RIMS1: variants seen among roughly 807,000 people sequenced by gnomAD.
The protein encoded by RIMS1 is regulating synaptic membrane exocytosis protein 1.
A neutral mutation model predicts 214.1 loss-of-function variants in RIMS1; 83 were observed. That is an observed-to-expected ratio of 0.39 (90% confidence interval 0.32 to 0.47). The LOEUF (loss-of-function observed/expected upper bound fraction) is 0.47. Among genes scored for constraint, RIMS1 ranks in the 20% least tolerant of loss-of-function variants. The probability of loss-of-function intolerance (pLI) is 0.99; values close to 1 mark genes in which losing one functional copy is unlikely to be tolerated. For missense variants in RIMS1, 2,050 were observed against 2,161.8 expected (o/e 0.95, Z 1.03); for synonymous variants, 793 against 786.8 (o/e 1.01, Z -0.13).
chr6:72,303,907 A>G (rs888292757), intron 26 of RIMS1, among the ~76,000 whole-genome samples: 4 of 151,642 alleles, frequency 2.6e-5, no homozygotes, highest in Non-Finnish European at 3.0e-5. Context: ...ACTAAGATAC[A>G]TACATTTTGA....
chr6:72,350,184 G>A (rs954465740), intron 29 of RIMS1, among the ~76,000 whole-genome samples: 16 of 152,022 alleles, frequency 1.1e-4, no homozygotes, highest in African/African-American at 3.6e-4. Flanking sequence ...TCTAATTTTT[G>A]TACACAGAAA....
At chr6:72,213,318 T>C (rs1358598249) in intron 6 of RIMS1, 1 of 1,146,860 alleles carries the variant, frequency 8.7e-7, no homozygotes, top group African/African-American at 1.6e-5. Flanking sequence ...CCAGTCAAAA[T>C]ATTTCTATTC....
chr6:71,900,347 T>C (rs553152144), intron 1 of RIMS1, among the ~76,000 whole-genome samples: 34 of 152,214 alleles, frequency 2.2e-4, no homozygotes, highest in Non-Finnish European at 4.6e-4. Context: ...AAACTAGACA[T>C]GGTAGGGCCC....
intron 1 of RIMS1, among the ~76,000 whole-genome samples, chr6:71,899,918 G>A (rs1383183732): frequency 6.6e-6 from 1 of 152,112 alleles, no homozygotes; most frequent in Non-Finnish European, 1.5e-5. Flanking sequence ...AGCAAAAATA[G>A]ATTGGGCACT....
intron 1 of RIMS1, among the ~76,000 whole-genome samples, chr6:71,923,598 G>A (rs913283162): frequency 2.0e-5 from 3 of 150,380 alleles, no homozygotes; most frequent in Non-Finnish European, 3.0e-5. Context: ...ACAGAGTTTC[G>A]CTCTTGTTTC....
intron 29 of RIMS1, among the ~76,000 whole-genome samples, chr6:72,343,691 C>CT: frequency 6.6e-6 from 1 of 150,808 alleles, no homozygotes; most frequent in East Asian, 2.0e-4. Context: ...TTAAATAATT[C>CT]TTTCATTATA....
intron 1 of RIMS1, among the ~76,000 whole-genome samples, chr6:71,919,014 A>G (rs1172287575): frequency 1.3e-5 from 2 of 152,156 alleles, no homozygotes; most frequent in Non-Finnish European, 2.9e-5. Flanking sequence ...TTAAAGGCAT[A>G]CCTTAAGTTT....
intron 2 of RIMS1, among the ~76,000 whole-genome samples, chr6:72,049,631 C>G (rs1376074475): frequency 2.0e-5 from 3 of 152,156 alleles, no homozygotes; most frequent in Admixed American, 1.3e-4. Context: ...AAAATAAGTT[C>G]TTACTTCACT....
intron 1 of RIMS1, among the ~76,000 whole-genome samples, chr6:71,965,985 G>A (rs755678989): frequency 5.9e-5 from 9 of 152,152 alleles, no homozygotes; most frequent in Non-Finnish European, 1.2e-4. Flanking sequence ...CTAATGCATA[G>A]GAGATAGTGG....
chr6:71,979,016 G>A (rs1356879233), intron 2 of RIMS1, among the ~76,000 whole-genome samples: 1 of 151,956 alleles, frequency 6.6e-6, no homozygotes, highest in Non-Finnish European at 1.5e-5. Flanking sequence ...TGATTTGCTG[G>A]CTTATGCAAA....
intron 29 of RIMS1, among the ~76,000 whole-genome samples, chr6:72,342,025 G>A (rs928180519): frequency 6.6e-6 from 1 of 151,726 alleles, no homozygotes; most frequent in Non-Finnish European, 1.5e-5. Context: ...TGCTTCTTTA[G>A]TAATAGGTAT....
intron 2 of RIMS1, among the ~76,000 whole-genome samples, chr6:72,077,810 A>G (rs745414661): frequency 2.6e-5 from 4 of 152,208 alleles, no homozygotes; most frequent in Non-Finnish European, 4.4e-5. Flanking sequence ...TCAGCAAATC[A>G]CTGGCAGAGC....
At chr6:72,101,843 C>A (rs1445798403) in intron 4 of RIMS1, among the ~76,000 whole-genome samples, 1 of 151,770 alleles carries the variant, frequency 6.6e-6, no homozygotes, top group African/African-American at 2.4e-5. Flanking sequence ...TCATCCTCAG[C>A]CTAAATCATA....
chr6:71,947,236 G>C (rs1362678028), intron 1 of RIMS1, among the ~76,000 whole-genome samples: 1 of 151,996 alleles, frequency 6.6e-6, no homozygotes, highest in Non-Finnish European at 1.5e-5. Flanking sequence ...TCAGTTTGGT[G>C]AATATATATC....
intron 6 of RIMS1, chr6:72,217,308 CA>C (rs1464289290): frequency 2.7e-5 from 37 of 1,369,046 alleles, no homozygotes; most frequent in Non-Finnish European, 2.9e-5. Flanking sequence ...TTTAATTATC[CA>C]AAAGAGTAAG....
chr6:72,144,347 G>T (rs1234246523), intron 4 of RIMS1, among the ~76,000 whole-genome samples: 1 of 152,186 alleles, frequency 6.6e-6, no homozygotes, highest in Non-Finnish European at 1.5e-5. Context: ...GAGTAGAGCA[G>T]GAGTTTGAGA....
intron 2 of RIMS1, among the ~76,000 whole-genome samples, chr6:71,973,098 C>T (rs1000297605): frequency 2.0e-5 from 3 of 152,088 alleles, no homozygotes; most frequent in Non-Finnish European, 4.4e-5. Context: ...TTAGTAGAGA[C>T]AGGGTTTCAC....
At chr6:71,896,411 T>C (rs1331465908) in intron 1 of RIMS1, among the ~76,000 whole-genome samples, 3 of 152,160 alleles carry the variant, frequency 2.0e-5, no homozygotes, top group African/African-American at 7.2e-5. Flanking sequence ...AGGGATTTTA[T>C]GGTATTTAGA....
At chr6:72,084,803 C>T (rs1179375798) in intron 2 of RIMS1, among the ~76,000 whole-genome samples, 1 of 152,118 alleles carries the variant, frequency 6.6e-6, no homozygotes, top group African/African-American at 2.4e-5. Flanking sequence ...TAAGTGTCAT[C>T]TCTCAGTGCT....
Sources: gnomAD v4.1 joint callset for allele counts (sites outside exome capture counted in the v4.1 genomes callset) on GRCh38, gnomAD v4.1.1 for gene constraint, MANE v1.5 for transcripts, NCBI Gene and HGNC (gene_info 2026-07-23, HGNC 2026-07-21) for gene names.